PLPPR1: variants seen among roughly 807,000 people sequenced by gnomAD.
PLPPR1 encodes the protein phospholipid phosphatase-related protein type 1.
In PLPPR1, 10 loss-of-function variants were observed where a neutral mutation model predicts 33.1. The ratio of observed to expected loss-of-function variants is 0.30; its 90% confidence interval spans 0.19 to 0.51. PLPPR1 has a LOEUF of 0.51. PLPPR1 is among the 20% of genes least tolerant of loss of function. The probability of loss-of-function intolerance (pLI) is 0.97; values close to 1 mark genes in which losing one functional copy is unlikely to be tolerated. For missense variants in PLPPR1, 304 were observed against 408.1 expected, an observed-to-expected ratio of 0.74 and a Z score of 2.20; for synonymous variants, 151 against 151.0, an observed-to-expected ratio of 1.00 and a Z score of 0.00.
chr9:101,163,210 T>C (rs745377315), intron 1 of PLPPR1, among the ~76,000 whole-genome samples: 3 of 152,204 alleles, frequency 2.0e-5, no homozygotes, highest in Non-Finnish European at 4.4e-5. Flanking sequence ...AATAGTATCA[T>C]AGTTTGTTCC....
chr9:101,306,903 G>A (rs544376898), intron 4 of PLPPR1, among the ~76,000 whole-genome samples: 6 of 152,200 alleles, frequency 3.9e-5, no homozygotes, highest in Admixed American at 1.3e-4. Context: ...CACACAAGGA[G>A]CGTAGGGTGA....
intron 1 of PLPPR1, among the ~76,000 whole-genome samples, chr9:101,164,365 C>CT (rs66835142): frequency 0.46 from 61,827 of 133,360 alleles, 13,625 homozygotes; most frequent in Non-Finnish European, 0.51. Context: ...CTTTTCTTTT[C>CT]TTTTTTTTTT....
chr9:101,225,506 C>G (rs1827045377), intron 2 of PLPPR1, among the ~76,000 whole-genome samples: 1 of 152,166 alleles, frequency 6.6e-6, no homozygotes. Context: ...AGGATTTACC[C>G]ATAAACTCCT....
chr9:101,212,113 C>T (rs1248108597), intron 2 of PLPPR1, among the ~76,000 whole-genome samples: 2 of 152,136 alleles, frequency 1.3e-5, no homozygotes, highest in Admixed American at 6.5e-5. Context: ...GATGGAGTCT[C>T]GCTCTGTCAC....
chr9:101,181,946 C>T (rs1826122457), intron 1 of PLPPR1, among the ~76,000 whole-genome samples: 3 of 149,890 alleles, frequency 2.0e-5, no homozygotes, highest in Non-Finnish European at 4.5e-5. Flanking sequence ...CACACACATA[C>T]ATACATAAAC....
intron 7 of PLPPR1, among the ~76,000 whole-genome samples, chr9:101,319,286 C>G (rs546851681): frequency 7.8e-4 from 118 of 151,628 alleles, no homozygotes; most frequent in Non-Finnish European, 1.6e-3. Context: ...AAGCAATTCT[C>G]TCGCCTCAGC....
At chr9:101,293,981 C>CA (rs1397366984) in intron 4 of PLPPR1, among the ~76,000 whole-genome samples, 2 of 152,034 alleles carry the variant, frequency 1.3e-5, no homozygotes, top group South Asian at 2.1e-4. Flanking sequence ...AACAGAGACA[C>CA]AAAAAACCCT....
chr9:101,174,454 T>C (rs1310165957), intron 1 of PLPPR1, among the ~76,000 whole-genome samples: 2 of 152,196 alleles, frequency 1.3e-5, no homozygotes, highest in Non-Finnish European at 2.9e-5. Context: ...ACTAGCAATT[T>C]AACTGACATC....
intron 6 of PLPPR1, among the ~76,000 whole-genome samples, chr9:101,313,879 C>A (rs920357407): frequency 3.3e-5 from 5 of 152,062 alleles, no homozygotes; most frequent in African/African-American, 4.8e-5. Flanking sequence ...TATTAGTTTG[C>A]CTTTTCTACG....
intron 1 of PLPPR1, among the ~76,000 whole-genome samples, chr9:101,151,379 C>T (rs1196212046): frequency 6.6e-6 from 1 of 152,022 alleles, no homozygotes; most frequent in Non-Finnish European, 1.5e-5. Flanking sequence ...GCTGGAATAC[C>T]CAAAGGCCTT....
intron 3 of PLPPR1, among the ~76,000 whole-genome samples, chr9:101,275,315 G>C (rs1045024870): frequency 6.6e-6 from 1 of 152,324 alleles, no homozygotes; most frequent in East Asian, 1.9e-4. Context: ...ACAATTGCAG[G>C]GATGCACAAG....
At chr9:101,038,333 A>T (rs1373323208) in intron 1 of PLPPR1, among the ~76,000 whole-genome samples, 1 of 152,116 alleles carries the variant, frequency 6.6e-6, no homozygotes, top group East Asian at 1.9e-4. Context: ...CCTCATGTAT[A>T]TTCAGTCATT....
intron 2 of PLPPR1, among the ~76,000 whole-genome samples, chr9:101,205,809 A>G (rs530679623): frequency 2.0e-5 from 3 of 152,206 alleles, no homozygotes; most frequent in African/African-American, 4.8e-5. Flanking sequence ...TAAATGGTCT[A>G]TGAGTGTCCT....
intron 1 of PLPPR1, among the ~76,000 whole-genome samples, chr9:101,057,638 A>C (rs1254043716): frequency 6.6e-6 from 1 of 152,192 alleles, no homozygotes; most frequent in East Asian, 1.9e-4. Flanking sequence ...ATTTGCTGAC[A>C]GTTTTCTCAA....
chr9:101,190,754 C>T (rs766323948), intron 2 of PLPPR1, among the ~76,000 whole-genome samples: 1 of 152,002 alleles, frequency 6.6e-6, no homozygotes, highest in Non-Finnish European at 1.5e-5. Flanking sequence ...CAGCATTGCC[C>T]CTGGTAATCC....
rs989543079 is a variant in PLPPR1 at position 101,255,946 on chromosome 9, G to A, written c.64-13934G>A. On this transcript the variant is annotated intron_variant, in intron 2 of 7. Transcript: ENST00000374874. ...ACTTCACAAAGCATCCTAGTGTCTTGGGAATTTCATCTTGTCTCCTTTGAG... is the reference window on the plus strand; with the variant it reads ...ACTTCACAAAGCATCCTAGTGTCTTAGGAATTTCATCTTGTCTCCTTTGAG... 2.6e-5 allele frequency among the ~76,000 whole-genome samples: 4 copies of A among 152,214 alleles called. No individual in the cohort carries two copies. In the East Asian group the frequency reaches 5.8e-4, roughly 22 times the overall value.
At chr9:101,296,520 T>C (rs1023436269) in intron 4 of PLPPR1, among the ~76,000 whole-genome samples, 2 of 152,104 alleles carry the variant, frequency 1.3e-5, no homozygotes, top group African/African-American at 4.8e-5. Flanking sequence ...TGCGGCACTA[T>C]TCACAATAGC....
intron 1 of PLPPR1, among the ~76,000 whole-genome samples, chr9:101,182,893 G>T (rs1826139311): frequency 6.6e-6 from 1 of 151,666 alleles, no homozygotes; most frequent in African/African-American, 2.4e-5. Flanking sequence ...ATGGAAAGAT[G>T]CTCAACATAA....
intron 1 of PLPPR1, among the ~76,000 whole-genome samples, chr9:101,183,572 A>G (rs917228314): frequency 2.6e-5 from 4 of 151,658 alleles, no homozygotes; most frequent in African/African-American, 9.7e-5. Flanking sequence ...AAAGTTCTAA[A>G]ACTATCTTAT....
Sources: allele counts gnomAD v4.1 joint callset (sites outside exome capture counted in the v4.1 genomes callset), GRCh38; gene constraint gnomAD v4.1.1; transcripts MANE v1.5; gene names NCBI Gene and HGNC (gene_info 2026-07-23, HGNC 2026-07-21).